SLC2A13: variants seen among roughly 807,000 people sequenced by gnomAD.
The protein encoded by SLC2A13 is solute carrier family 2 member 13.
SLC2A13 carries 32 observed loss-of-function variants against 64.4 expected under a neutral mutation model. That is an observed-to-expected ratio of 0.50 (90% confidence interval 0.37 to 0.67). The LOEUF is 0.67. Ranked by LOEUF, SLC2A13 falls within the 30% of genes least tolerant of loss-of-function variation. The pLI is 0.00. For synonymous variants in SLC2A13, 338 were observed against 327.1 expected, an observed-to-expected ratio of 1.03 and a Z score of -0.36; for missense variants, 743 against 829.2, an observed-to-expected ratio of 0.90 and a Z score of 1.28.
intron 4 of SLC2A13, among the ~76,000 whole-genome samples, chr12:39,886,487 C>T (rs1223637084): frequency 6.6e-6 from 1 of 151,866 alleles, no homozygotes; most frequent in Non-Finnish European, 1.5e-5. Flanking sequence ...AGTCAGCATA[C>T]ATTTATTTAG....
chr12:39,971,517 T>C (rs1946645373), intron 3 of SLC2A13, among the ~76,000 whole-genome samples: 1 of 152,200 alleles, frequency 6.6e-6, no homozygotes, highest in South Asian at 2.1e-4. Context: ...GCCTGAGTCA[T>C]GTCAACATCT....
In SLC2A13 at chr12:39,963,784, C is replaced by A. The variant is rs917970502; in HGVS notation, c.926-12419G>T. ...TTTTATATGGATATTGAGTAATATT[C>A]TATTAGCACATTCCCTTTTTAGATT... On this transcript the variant is annotated intron_variant, in intron 3 of 9. Coordinates refer to ENST00000280871, the MANE Select transcript of SLC2A13 (RefSeq NM_052885.4). Among the ~76,000 whole-genome samples the A allele has an allele frequency of 2.6e-5, 4 of 152,142 alleles. No individual in the cohort carries two copies. In the East Asian group the frequency reaches 5.8e-4, roughly 22 times the overall value.
At chr12:40,024,212 T>C (rs1385899175) in intron 3 of SLC2A13, among the ~76,000 whole-genome samples, 1 of 152,204 alleles carries the variant, frequency 6.6e-6, no homozygotes. Flanking sequence ...GGAAATCATA[T>C]TAATGTTTCT....
Position 40,028,396 on chromosome 12 carries a change from C to T in SLC2A13, c.830G>A (p.Arg277Lys). 4 of 1,614,024 alleles carry T rather than the reference C, an allele frequency of 2.5e-6. No individual in the cohort carries two copies. The highest frequency in any genetic ancestry group is 1.1e-5 in the South Asian group (1 of 91,080). The change falls in exon 3 of 10, where the codon AGA becomes AAA. Residue 277 changes from arginine (R) to lysine (K), a missense_variant. Transcript: ENST00000280871. ...IQKGQTQKARRILSQMRGNQT... is the reference protein window; with the variant it reads ...IQKGQTQKARKILSQMRGNQT... ...GTTACCACGCATCTGAGATAAAATTCTACGGGCCTTCTGAGTCTGTCCTTT... is the reference window on the plus strand; with the variant it reads ...GTTACCACGCATCTGAGATAAAATTTTACGGGCCTTCTGAGTCTGTCCTTT...
chr12:39,832,591 AC>A (rs1402155705), intron 6 of SLC2A13, among the ~76,000 whole-genome samples: 2 of 152,058 alleles, frequency 1.3e-5, no homozygotes, highest in African/African-American at 4.8e-5. Flanking sequence ...CCTGTGACCT[AC>A]TATGTGCCAC....
rs1405303810 is a variant in SLC2A13 at position 39,764,823 on chromosome 12, A to G, written c.1481T>C (p.Ile494Thr). ...AGGGCAGAAATTGTAAGCCCAAAAT[A>G]TATCTTCTGTTTTGAACTTGGTTTC... ...ENETKFKTED[I>T]FWAYNFCPTP... Residue 494 changes from isoleucine to threonine, a missense_variant, in exon 8 of 10, where the codon ATA (isoleucine) becomes ACA (threonine). Around this residue, in one of 2 missense-constraint regions of SLC2A13, gnomAD observed 295 missense variants for 381.7 expected, o/e 0.77. Coordinates refer to ENST00000280871, the MANE Select transcript of SLC2A13 (RefSeq NM_052885.4). The G allele has an allele frequency of 3.7e-6, 6 of 1,612,462 alleles. No individual in the cohort carries two copies. The highest frequency in any genetic ancestry group is 5.1e-6 in the Non-Finnish European group (6 of 1,179,106).
At position 39,951,355 on chromosome 12, in the gene SLC2A13, C is replaced by T. The variant is rs768184360; in HGVS notation, c.936G>A (p.Val312=). 1 of 1,571,918 alleles carries T rather than the reference C, an allele frequency of 6.4e-7. No homozygotes were observed. Among genetic ancestry groups the T allele is most frequent in the Admixed American group, 2.0e-5 (1 of 50,730 alleles). ...GGGGATAACTCAGCATTCTGCAGATCACAGGTCCAGCTTTTTTAAGAAAGA... is the reference window on the plus strand; with the variant it reads ...GGGGATAACTCAGCATTCTGCAGATTACAGGTCCAGCTTTTTTAAGAAAGA... ...EEKEVGSAGP[V]ICRMLSYPPT... is the part of the protein sequence containing the mutation. Residue 312 remains valine (V), a synonymous_variant, in exon 4 of 10, where the codon GTG becomes GTA. Coordinates refer to ENST00000280871, the MANE Select transcript of SLC2A13 (RefSeq NM_052885.4).
In SLC2A13 at chr12:40,105,636, C is replaced by CCGCCCG. The variant is rs1216255714; in HGVS notation, c.167_172dup (p.Ala56_Gly57dup). ...GCGCTCCAGGTCCCCGACGCCGCCG[C>CCGCCCG]CGCCCGCGCCCGCGCTCTGCAGGCT... On this transcript the variant is annotated inframe_insertion, in exon 1 of 10. Transcript: ENST00000280871. This position sits in a 1 kb window ranked among gnomAD's most constrained non-coding sequence, Gnocchi z 4.2. The CCGCCCG allele has an allele frequency of 4.7e-6, 7 of 1,484,246 alleles. No homozygotes were observed. Among genetic ancestry groups the CCGCCCG allele is most frequent in the African/African-American group, 3.0e-5 (2 of 67,698 alleles). The allele number at this position is 1,484,246 out of a possible 1,614,324, so 91.9% of individuals were successfully genotyped here.
intron 6 of SLC2A13, among the ~76,000 whole-genome samples, chr12:39,862,098 T>C (rs1224542474): frequency 1.3e-5 from 2 of 152,210 alleles, no homozygotes; most frequent in African/African-American, 4.8e-5. Flanking sequence ...TATGTTCTCA[T>C]TGTTCTGAAA....
At chr12:40,102,800 T>C (rs755339904) in intron 1 of SLC2A13, among the ~76,000 whole-genome samples, 2 of 152,200 alleles carry the variant, frequency 1.3e-5, no homozygotes, top group African/African-American at 2.4e-5. Context: ...CATTTCCTTG[T>C]AGCTTAAAAA....
At chr12:39,825,244 G>C (rs78387363) in intron 7 of SLC2A13, among the ~76,000 whole-genome samples, 1,632 of 152,224 alleles carry the variant, frequency 0.011, 12 homozygotes, top group Non-Finnish European at 0.017. Context: ...TTTCAGAATA[G>C]ATTATTTAAG....
chr12:39,867,437 G>A (rs1246848275), intron 5 of SLC2A13, among the ~76,000 whole-genome samples: 2 of 151,422 alleles, frequency 1.3e-5, no homozygotes, highest in South Asian at 2.1e-4. Flanking sequence ...ATACATTTTC[G>A]CAATGTTGGC....
intron 7 of SLC2A13, among the ~76,000 whole-genome samples, chr12:39,788,275 TA>T (rs1302429164): frequency 6.6e-6 from 1 of 152,026 alleles, no homozygotes; most frequent in Non-Finnish European, 1.5e-5. Context: ...AATAATAAAA[TA>T]AAAAACAATT....
intron 1 of SLC2A13, among the ~76,000 whole-genome samples, chr12:40,063,010 T>C (rs1389196926): frequency 1.3e-5 from 2 of 152,160 alleles, no homozygotes; most frequent in South Asian, 2.1e-4. Context: ...TTAATGCTTC[T>C]ATAAATATCA....
chr12:39,861,095 G>A (rs906092740), intron 6 of SLC2A13, among the ~76,000 whole-genome samples: 8 of 152,228 alleles, frequency 5.3e-5, no homozygotes, highest in African/African-American at 7.2e-5. Flanking sequence ...TTACTGCCTT[G>A]CAGGATCTTT....
chr12:40,055,989 AC>A (rs960737361), intron 1 of SLC2A13, among the ~76,000 whole-genome samples: 3 of 151,190 alleles, frequency 2.0e-5, no homozygotes, highest in African/African-American at 7.3e-5. Flanking sequence ...AAAAAAACAA[AC>A]AAAAAAAAAA....
intron 2 of SLC2A13, among the ~76,000 whole-genome samples, chr12:40,038,579 A>G (rs1948027155): frequency 6.6e-6 from 1 of 151,950 alleles, no homozygotes. Flanking sequence ...AAAAAATACA[A>G]AAATTAATGG....
intron 7 of SLC2A13, among the ~76,000 whole-genome samples, chr12:39,772,703 GA>G (rs1403954459): frequency 3.0e-4 from 46 of 152,286 alleles, no homozygotes; most frequent in African/African-American, 1.1e-3. Context: ...AAGATTCACT[GA>G]ACAATTTTCT....
intron 3 of SLC2A13, among the ~76,000 whole-genome samples, chr12:39,972,014 ATTT>A (rs1217967420): frequency 1.6e-4 from 2 of 12,254 alleles, no homozygotes; most frequent in Non-Finnish European, 5.6e-4. Flanking sequence ...ATATATATAT[ATTT>A]TTTTTTATAT....
Sources: allele counts gnomAD v4.1 joint callset (sites outside exome capture counted in the v4.1 genomes callset), GRCh38; gene constraint gnomAD v4.1.1; regional missense constraint gnomAD v4.1.1; non-coding constraint Gnocchi (gnomAD v3.1); transcripts MANE v1.5; gene names NCBI Gene and HGNC (gene_info 2026-07-23, HGNC 2026-07-21).